Variants in AKAP7 observed in about 807,000 individuals in gnomAD.
AKAP7 encodes A kinase (PRKA) anchor protein 7.
In AKAP7, 39 loss-of-function variants were observed where a neutral mutation model predicts 39.5. That is an observed-to-expected ratio of 0.99 (90% CI 0.76 to 1.29). AKAP7 has a LOEUF of 1.29. Among genes scored for constraint, AKAP7 ranks in the 50% most tolerant of loss-of-function variants. The pLI is 0.00. For missense variants in AKAP7, 414 were observed against 407.7 expected (o/e 1.02, Z -0.13); for synonymous variants, 140 against 139.1 (o/e 1.01, Z -0.05).
In AKAP7 at chr6:131,282,605, G is replaced by C; in HGVS notation, c.*879G>C. 1 of 1,530,322 alleles carries C rather than the reference G, an allele frequency of 6.5e-7. No homozygotes were observed. The highest frequency in any genetic ancestry group is 8.8e-7 in the Non-Finnish European group (1 of 1,142,440). 94.8% of individuals were successfully genotyped at this position (1,530,322 alleles called of 1,614,324 possible). A position where few individuals can be genotyped will look rare whatever the true frequency, so the allele number is the denominator to read the frequency against. On this transcript the variant is annotated 3_prime_UTR_variant, in exon 8 of 8. Coordinates refer to ENST00000431975, the MANE Select transcript of AKAP7 (RefSeq NM_016377.4). ...TGATTTCAGCACAACTTTGACATAAGCTCTACATTGCGATTGTGACAACAT... is the reference window on the plus strand; with the variant it reads ...TGATTTCAGCACAACTTTGACATAACCTCTACATTGCGATTGTGACAACAT...
chr6:131,177,297 G>C (rs1025149125), intron 5 of AKAP7, among the ~76,000 whole-genome samples: 2 of 152,120 alleles, frequency 1.3e-5, no homozygotes, highest in African/African-American at 4.8e-5. Flanking sequence ...AATTTTGCAG[G>C]CTGGGAAGTT....
Position 131,264,587 on chromosome 6 carries a change from T to G in AKAP7, c.851-16943T>G, listed in dbSNP as rs149544524. Among the ~76,000 whole-genome samples, 134 of 152,362 alleles carry G rather than the reference T, an allele frequency of 8.8e-4. 3 individuals carry two copies. In the East Asian group the frequency reaches 0.023, roughly 26 times the overall value. On this transcript the variant is annotated intron_variant, in intron 7 of 7. Transcript: ENST00000431975. ...CAGGAAGATCATAAATAAATAGCCTTGTAACCTTCTAACTTGAAAGAGGGT... is the reference window on the plus strand; with the variant it reads ...CAGGAAGATCATAAATAAATAGCCTGGTAACCTTCTAACTTGAAAGAGGGT...
At chr6:131,238,811 G>A (rs559110636) in intron 7 of AKAP7, among the ~76,000 whole-genome samples, 1 of 152,254 alleles carries the variant, frequency 6.6e-6, no homozygotes, top group South Asian at 2.1e-4. Flanking sequence ...CTCTGCATGT[G>A]AGATGGGTTT....
At chr6:131,232,211 C>T (rs1286617376) in intron 7 of AKAP7, among the ~76,000 whole-genome samples, 2 of 152,134 alleles carry the variant, frequency 1.3e-5, no homozygotes, top group Admixed American at 1.3e-4. Flanking sequence ...AAAAATTAAG[C>T]ATCACTACTA....
chr6:131,190,756 A>C (rs2128271573), intron 5 of AKAP7, among the ~76,000 whole-genome samples: 1 of 152,328 alleles, frequency 6.6e-6, no homozygotes, highest in Non-Finnish European at 1.5e-5. Flanking sequence ...AGAACAGTAC[A>C]AATGCCCACT....
chr6:131,241,627 G>GTGTGTGTGTATATA lies in AKAP7; in HGVS notation c.850+21820_850+21821insGTGTGTGTATATAT. 1.8e-3 allele frequency among the ~76,000 whole-genome samples: 159 copies of GTGTGTGTGTATATA among 86,670 alleles called. 9 individuals carry two copies. Among genetic ancestry groups the GTGTGTGTGTATATA allele is most frequent in the African/African-American group, 7.4e-3 (149 of 20,054 alleles). 56.9% of individuals were successfully genotyped at this position (86,670 alleles called of 152,430 possible). On this transcript the variant is annotated intron_variant, in intron 7 of 7. Transcript: ENST00000431975. ...TGTGTGTGTGTGTGTGTGTGTGTGT[G>GTGTGTGTGTATATA]TATATATATATGACAGTTATAGGAT... is the stretch of plus-strand genomic sequence containing the variant.
rs1324153398 is a variant in AKAP7, at chr6:131,281,769, G to C, written c.*43G>C. ...CCATGTCTCTGTGCAAAGCCTCCCT[G>C]CTTCCCTCTGCTGAGTCTAGGGACT... is the stretch of plus-strand genomic sequence containing the variant. On this transcript the variant is annotated 3_prime_UTR_variant, in exon 8 of 8. Coordinates refer to ENST00000431975, the MANE Select transcript of AKAP7 (RefSeq NM_016377.4). This position sits in a 1 kb window ranked among gnomAD's most constrained non-coding sequence, Gnocchi z 4.0. 1 of 1,522,710 alleles carries C rather than the reference G, an allele frequency of 6.6e-7. No individual in the cohort carries two copies. The highest frequency in any genetic ancestry group is 8.8e-7 in the Non-Finnish European group (1 of 1,136,122). The allele number at this position is 1,522,710 out of a possible 1,614,324, so 94.3% of individuals were successfully genotyped here.
rs369639075 is a variant in AKAP7 at position 131,281,552 on chromosome 6, C to T, written c.873C>T (p.Pro291=). 40 of 1,609,844 alleles carry T rather than the reference C, an allele frequency of 2.5e-5. No homozygotes were observed. The highest frequency in any genetic ancestry group is 2.0e-4 in the African/African-American group (15 of 74,808). The change falls in exon 8 of 8, where the codon CCC becomes CCT. Residue 291 remains proline, a synonymous_variant. Transcript: ENST00000431975. This position sits in a 1 kb window ranked among gnomAD's most constrained non-coding sequence, Gnocchi z 4.0. ...TAGGTGAAAAGAACGGAGGGGAGCC[C>T]GATGACGCTGAACTAGTAAGGCTCA... ...IVIGEKNGGE[P]DDAELVRLSK...
intron 5 of AKAP7, among the ~76,000 whole-genome samples, chr6:131,181,494 C>T (rs1017025861): frequency 3.9e-5 from 6 of 152,182 alleles, no homozygotes; most frequent in South Asian, 2.1e-4. Context: ...TACAGTCTGC[C>T]GCTTTGCTTC....
At chr6:131,205,759 A>G (rs1808036002) in intron 6 of AKAP7, among the ~76,000 whole-genome samples, 1 of 152,210 alleles carries the variant, frequency 6.6e-6, no homozygotes. Flanking sequence ...TCTTAGTTTC[A>G]TGAAATTCTA....
chr6:131,219,328 T>C (rs1809498242), intron 6 of AKAP7, among the ~76,000 whole-genome samples: 1 of 152,096 alleles, frequency 6.6e-6, no homozygotes, highest in Non-Finnish European at 1.5e-5. Context: ...TCTCCATTTT[T>C]GTTGGAGATG....
intron 6 of AKAP7, among the ~76,000 whole-genome samples, chr6:131,203,014 A>T (rs1019739571): frequency 1.3e-5 from 2 of 152,096 alleles, no homozygotes; most frequent in African/African-American, 4.8e-5. Flanking sequence ...TAAGCTTTTG[A>T]TGTTCAGTAA....
At chr6:131,237,981 C>A (rs1811215360) in intron 7 of AKAP7, among the ~76,000 whole-genome samples, 1 of 152,092 alleles carries the variant, frequency 6.6e-6, no homozygotes, top group Non-Finnish European at 1.5e-5. Context: ...TTCTCTAGTT[C>A]TTTTAATTGT....
intron 2 of AKAP7, 88 bp downstream of exon 2, chr6:131,145,504 C>A: frequency 1.2e-6 from 1 of 855,506 alleles, no homozygotes; most frequent in Non-Finnish European, 1.6e-6. Flanking sequence ...TAAGTTGTTT[C>A]ACTTTTAATA....
intron 7 of AKAP7, among the ~76,000 whole-genome samples, chr6:131,236,922 G>T (rs144122997): frequency 1.6e-4 from 24 of 152,170 alleles, no homozygotes; most frequent in African/African-American, 5.8e-4. Context: ...GATTGCCCTG[G>T]CCAGAACTTC....
At chr6:131,157,678 T>C (rs1402399632) in intron 2 of AKAP7, among the ~76,000 whole-genome samples, 1 of 152,194 alleles carries the variant, frequency 6.6e-6, no homozygotes, top group Non-Finnish European at 1.5e-5. Flanking sequence ...ATAATTCTTA[T>C]AACACAGATA....
In AKAP7 at chr6:131,282,804, C is replaced by A; in HGVS notation, c.*1078C>A. 2.1e-6 allele frequency: 1 copy of A among 475,536 alleles called. No individual in the cohort carries two copies. The allele number at this position is 475,536 out of a possible 1,614,324, so 29.5% of individuals were successfully genotyped here. ...GAGCTACACTTGTGTTTTAGAATAT[C>A]TGTTTCTGTAATATTGAGAGTTATT... On this transcript the variant is annotated 3_prime_UTR_variant, in exon 8 of 8. Transcript: ENST00000431975.
At chr6:131,144,966 C>A (rs1442470154) in intron 1 of AKAP7, among the ~76,000 whole-genome samples, 2 of 152,002 alleles carry the variant, frequency 1.3e-5, no homozygotes, top group Non-Finnish European at 2.9e-5. Flanking sequence ...TTAAAAGGTA[C>A]GTGAAAAAAC....
intron 4 of AKAP7, 100 bp from the exon 5 acceptor site, chr6:131,169,013 A>G (rs532844564): frequency 2.7e-4 from 291 of 1,069,084 alleles, no homozygotes; most frequent in Non-Finnish European, 3.7e-4. Flanking sequence ...TAGTACAAAT[A>G]TCAAAATTCA....
Sources: allele counts gnomAD v4.1 joint callset (sites outside exome capture counted in the v4.1 genomes callset), GRCh38; gene constraint gnomAD v4.1.1; non-coding constraint Gnocchi (gnomAD v3.1); transcripts MANE v1.5; gene names NCBI Gene and HGNC (gene_info 2026-07-23, HGNC 2026-07-21).